ARHGAP29: variants seen among roughly 807,000 people sequenced by gnomAD.
ARHGAP29 encodes Rho GTPase activating protein 29, also known as rho GTPase-activating protein 29.
ARHGAP29 carries 43 observed loss-of-function variants against 122.6 expected under a neutral mutation model. The ratio of observed to expected loss-of-function variants is 0.35; its 90% CI spans 0.27 to 0.45. The LOEUF is 0.45. ARHGAP29 is among the 20% of genes least tolerant of loss of function. ARHGAP29 has a pLI of 1.00. For synonymous variants in ARHGAP29, 506 were observed against 497.1 expected (o/e 1.02, Z -0.24); for missense variants, 1,303 against 1,477.2 (o/e 0.88, Z 1.93).
At chr1:94,259,928 G>T (rs551530904) in intron 1 of ARHGAP29, among the ~76,000 whole-genome samples, 2 of 152,212 alleles carry the variant, frequency 1.3e-5, no homozygotes, top group African/African-American at 4.8e-5. Flanking sequence ...CTGACTCACT[G>T]TTGGCCGAAG....
upstream of ARHGAP29, among the ~76,000 whole-genome samples, chr1:94,279,026 AAAG>A (rs1484653134): frequency 3.9e-5 from 6 of 152,366 alleles, no homozygotes; most frequent in Middle Eastern, 0.01. Flanking sequence ...GTGAGGAATC[AAAG>A]TAGTGACTAA....
the ARHGAP29 span, among the ~76,000 whole-genome samples, chr1:94,313,798 A>G: frequency 1.3e-5 from 2 of 152,284 alleles, no homozygotes; most frequent in East Asian, 3.9e-4. Context: ...ATGCAGCCTT[A>G]AAAAAAGATG....
At chr1:94,258,514 C>T (rs962421200) in intron 1 of ARHGAP29, among the ~76,000 whole-genome samples, 1 of 152,168 alleles carries the variant, frequency 6.6e-6, no homozygotes, top group Non-Finnish European at 1.5e-5. Flanking sequence ...TTTGCCTTCC[C>T]TCTTTGGAGA....
intron 1 of ARHGAP29, among the ~76,000 whole-genome samples, chr1:94,262,614 A>G (rs766546780): frequency 1.3e-5 from 2 of 152,190 alleles, no homozygotes; most frequent in Admixed American, 1.3e-4. Context: ...CATTTCAGAA[A>G]AAGATATACA....
chr1:94,268,768 C>T (rs78574806), intron 1 of ARHGAP29, among the ~76,000 whole-genome samples: 3,984 of 152,020 alleles, frequency 0.026, 180 homozygotes, highest in African/African-American at 0.092. Flanking sequence ...TCACTGTAAC[C>T]TTGAACTTCT....
chr1:94,184,730 G>A, intron 18 of ARHGAP29, 142 bp downstream of exon 18: 1 of 686,044 alleles, frequency 1.5e-6, no homozygotes, highest in Non-Finnish European at 2.3e-6. Flanking sequence ...CTCCAGCCTG[G>A]GCAACAGAGT....
chr1:94,297,595 T>C, the ARHGAP29 span, among the ~76,000 whole-genome samples: 3 of 152,190 alleles, frequency 2.0e-5, no homozygotes, highest in Non-Finnish European at 4.4e-5. Flanking sequence ...AAGGGGATCT[T>C]CCATTCTTAG....
chr1:94,248,729 G>A (rs1010961596), intron 1 of ARHGAP29, among the ~76,000 whole-genome samples: 1 of 152,166 alleles, frequency 6.6e-6, no homozygotes, highest in Non-Finnish European at 1.5e-5. Flanking sequence ...AGAGAGACAG[G>A]GCCTTGCTCT....
At chr1:94,252,401 G>T (rs1442042857) in intron 1 of ARHGAP29, among the ~76,000 whole-genome samples, 1 of 152,164 alleles carries the variant, frequency 6.6e-6, no homozygotes, top group Non-Finnish European at 1.5e-5. Flanking sequence ...CTGGTCATTT[G>T]CCTCTGCTGC....
intron 7 of ARHGAP29, among the ~76,000 whole-genome samples, chr1:94,204,291 T>C (rs954715759): frequency 1.3e-5 from 2 of 152,106 alleles, no homozygotes; most frequent in South Asian, 2.1e-4. Context: ...TAAGCCACCA[T>C]GTACAGCTCT....
At chr1:94,252,445 C>T (rs947547766) in intron 1 of ARHGAP29, among the ~76,000 whole-genome samples, 7 of 152,156 alleles carry the variant, frequency 4.6e-5, no homozygotes, top group African/African-American at 9.7e-5. Flanking sequence ...GTTACAGTGT[C>T]GGCTGGGGTG....
intron 8 of ARHGAP29, 23 bp downstream of exon 8, chr1:94,203,907 C>A: frequency 6.2e-7 from 1 of 1,608,760 alleles, no homozygotes; most frequent in Non-Finnish European, 8.5e-7. Flanking sequence ...TTATAGAACC[C>A]CCGAAGTTCA....
At chr1:94,235,809 T>C (rs1163147503) in intron 1 of ARHGAP29, among the ~76,000 whole-genome samples, 1 of 152,332 alleles carries the variant, frequency 6.6e-6, no homozygotes, top group African/African-American at 2.4e-5. Flanking sequence ...CTAAGTGTTG[T>C]GTGCATTAGA....
At chr1:94,262,362 C>A (rs895359785) in intron 1 of ARHGAP29, among the ~76,000 whole-genome samples, 1 of 151,872 alleles carries the variant, frequency 6.6e-6, no homozygotes. Flanking sequence ...GATTTCATGA[C>A]GAAGATGACA....
intron 18 of ARHGAP29, among the ~76,000 whole-genome samples, chr1:94,184,529 G>A (rs1233528562): frequency 6.6e-6 from 1 of 152,090 alleles, no homozygotes; most frequent in African/African-American, 2.4e-5. Flanking sequence ...AAGATCACCT[G>A]AGCCTAGAGT....
chr1:94,241,035 G>A (rs914100379), upstream of ARHGAP29, among the ~76,000 whole-genome samples: 36 of 152,206 alleles, frequency 2.4e-4, no homozygotes, highest in Middle Eastern at 3.4e-3. Context: ...AGTGGGCAGA[G>A]GACAGGGATA....
rs957796914 is a variant in ARHGAP29, at chr1:94,173,630, A to C, written c.*239T>G. On this transcript the variant is annotated 3_prime_UTR_variant, in exon 23 of 23. Transcript: ENST00000260526. Reference sequence around the variant, plus strand: ...TAAAAAATACGAATCCACCTATCTTATTCACAACTTTAAAAATACAGAATT... The same window carrying C: ...TAAAAAATACGAATCCACCTATCTTCTTCACAACTTTAAAAATACAGAATT... 4.6e-6 allele frequency: 2 copies of C among 439,442 alleles called. No homozygotes were observed. The highest frequency in any genetic ancestry group is 3.9e-5 in the African/African-American group (2 of 51,062). 27.2% of individuals were successfully genotyped at this position (439,442 alleles called of 1,614,324 possible).
In ARHGAP29 at chr1:94,231,456, G is replaced by T. The variant is rs1652913301; in HGVS notation, c.156C>A (p.Ile52=). The T allele has an allele frequency of 6.2e-7, 1 of 1,613,560 alleles. No individual in the cohort carries two copies. The highest frequency in any genetic ancestry group is 1.1e-5 in the South Asian group (1 of 91,054). The change falls in exon 2 of 23, where the codon ATC becomes ATA. Residue 52 remains isoleucine, a synonymous_variant. Transcript: ENST00000260526. ...ATAGTAACATGTGGGAGAACTTCCT[G>T]ATATCATTCACCAACTCCTTGATGT... ...PDYIKELVND[I]RKFSHMLLYL...
At chr1:94,294,023 A>G in the ARHGAP29 span, among the ~76,000 whole-genome samples, 3 of 152,180 alleles carry the variant, frequency 2.0e-5, no homozygotes, top group African/African-American at 7.2e-5. Context: ...GCCATTGACT[A>G]ATCATTACTG....
Sources: allele counts gnomAD v4.1 joint callset (sites outside exome capture counted in the v4.1 genomes callset), GRCh38; gene constraint gnomAD v4.1.1; transcripts MANE v1.5; gene names NCBI Gene and HGNC (gene_info 2026-07-23, HGNC 2026-07-21).